Variants in RYR3 observed in about 807,000 individuals in gnomAD.
RYR3 encodes the protein ryanodine receptor 3.
RYR3 carries 207 observed loss-of-function variants against 584.3 expected under a neutral mutation model. The observed-to-expected ratio is 0.35, with a 90% CI of 0.32 to 0.40. The LOEUF is 0.40. RYR3 is among the 10% of genes least tolerant of loss of function. The pLI, the probability that RYR3 is intolerant of heterozygous loss-of-function variation, is 1.00. For synonymous variants in RYR3, 2,416 were observed against 2,248.5 expected, an observed-to-expected ratio of 1.07 and a Z score of -2.11; for missense variants, 5,616 against 6,089.2, an observed-to-expected ratio of 0.92 and a Z score of 2.59.
At chr15:33,483,231 C>A (rs995715190) in intron 2 of RYR3, among the ~76,000 whole-genome samples, 1 of 151,868 alleles carries the variant, frequency 6.6e-6, no homozygotes, top group Non-Finnish European at 1.5e-5. Flanking sequence ...TTGGTAAATT[C>A]ATTAATAAAT....
intron 27 of RYR3, among the ~76,000 whole-genome samples, chr15:33,636,811 C>T (rs2061524915): frequency 6.6e-6 from 1 of 152,200 alleles, no homozygotes; most frequent in Admixed American, 6.5e-5. Context: ...TCCCCTGTGT[C>T]TTGGCATTTT....
intron 20 of RYR3, among the ~76,000 whole-genome samples, chr15:33,625,571 A>C (rs2060942320): frequency 6.6e-6 from 1 of 152,182 alleles, no homozygotes; most frequent in Non-Finnish European, 1.5e-5. Context: ...TCATATGGAC[A>C]GATTAGCAAG....
rs1345757695 is a variant in RYR3, at chr15:33,810,466, C to T, written c.10027-13C>T. The T allele has an allele frequency of 1.2e-6, 2 of 1,613,664 alleles. No individual in the cohort carries two copies. The highest frequency in any genetic ancestry group is 1.7e-6 in the Non-Finnish European group (2 of 1,179,682). On this transcript the variant is annotated splice_polypyrimidine_tract_variant and intron_variant, in intron 70 of 103. Transcript: ENST00000634891. ...CTGAACCCCTCTCTGTTTATTTCAA[C>T]ATCATCTCCTAGTCTGGAGGACAAG...
intron 91 of RYR3, among the ~76,000 whole-genome samples, chr15:33,842,615 T>G (rs1484131741): frequency 6.6e-6 from 1 of 152,050 alleles, no homozygotes; most frequent in African/African-American, 2.4e-5. Flanking sequence ...CAGCTTCCAC[T>G]CCAGTCTGTG....
chr15:33,767,682 G>C (rs2073212791), intron 60 of RYR3, among the ~76,000 whole-genome samples: 1 of 152,124 alleles, frequency 6.6e-6, no homozygotes, highest in African/African-American at 2.4e-5. Flanking sequence ...TGTCACCAGG[G>C]GACCCCGTGG....
At chr15:33,377,824 C>T (rs545472222) in intron 1 of RYR3, among the ~76,000 whole-genome samples, 2 of 151,884 alleles carry the variant, frequency 1.3e-5, no homozygotes, top group African/African-American at 2.4e-5. Context: ...TATAGGGTCT[C>T]GTTATATCAC....
rs563121832 is a variant in RYR3 at position 33,582,052 on chromosome 15, CT to C, written c.1573+410del. 1.8e-3 allele frequency among the ~76,000 whole-genome samples: 273 copies of C among 152,306 alleles called. 1 individual carries two copies. Among genetic ancestry groups the C allele is most frequent in the Middle Eastern group, 3.4e-3 (1 of 294 alleles). On this transcript the variant is annotated intron_variant, in intron 14 of 103. Transcript: ENST00000634891. ...ACTTGTCCACTTGTTAGTCATGATTCTCACTGCTTTGGCCTGTAATTTATTT... is the reference window on the plus strand; with the variant it reads ...ACTTGTCCACTTGTTAGTCATGATTCCACTGCTTTGGCCTGTAATTTATTT...
intron 16 of RYR3, among the ~76,000 whole-genome samples, chr15:33,593,657 A>T (rs1321754418): frequency 1.3e-5 from 2 of 152,240 alleles, no homozygotes; most frequent in Non-Finnish European, 2.9e-5. Context: ...AAATTAGGAA[A>T]AATGGAAAAA....
intron 5 of RYR3, among the ~76,000 whole-genome samples, chr15:33,534,860 C>T (rs1017649140): frequency 1.3e-5 from 2 of 152,180 alleles, no homozygotes; most frequent in African/African-American, 4.8e-5. Context: ...TCTGACCATC[C>T]GTCAAGGGCA....
At chr15:33,822,223 G>C (rs1252574176) in intron 80 of RYR3, among the ~76,000 whole-genome samples, 1 of 152,218 alleles carries the variant, frequency 6.6e-6, no homozygotes, top group Non-Finnish European at 1.5e-5. Flanking sequence ...ATCTGAATTG[G>C]AACAGGCTGC....
At chr15:33,545,097 A>G (rs1401611558) in intron 8 of RYR3, among the ~76,000 whole-genome samples, 1 of 152,182 alleles carries the variant, frequency 6.6e-6, no homozygotes, top group East Asian at 1.9e-4. Context: ...GTCTGTATCT[A>G]AGATGGAATA....
At chr15:33,631,882 T>C (rs117045849) in intron 23 of RYR3, among the ~76,000 whole-genome samples, 3,081 of 152,314 alleles carry the variant, frequency 0.02, 40 homozygotes, top group Non-Finnish European at 0.031. Context: ...CATCATTACT[T>C]AGGAGCCAAG....
chr15:33,467,705 G>A (rs2048598784), intron 1 of RYR3, among the ~76,000 whole-genome samples: 1 of 152,168 alleles, frequency 6.6e-6, no homozygotes, highest in African/African-American at 2.4e-5. Flanking sequence ...GGAATAGCTG[G>A]CGTGTGTGAA....
At chr15:33,544,230 G>T (rs2056059810) in intron 8 of RYR3, among the ~76,000 whole-genome samples, 1 of 151,994 alleles carries the variant, frequency 6.6e-6, no homozygotes, top group African/African-American at 2.4e-5. Context: ...ACCATGACAT[G>T]GAGGATATGA....
intron 48 of RYR3, among the ~76,000 whole-genome samples, chr15:33,735,579 T>C (rs8042036): frequency 0.25 from 38,767 of 152,110 alleles, 5,459 homozygotes; most frequent in African/African-American, 0.38. Context: ...AGGTTTTTTT[T>C]AAAGTTTGGC....
chr15:33,523,994 G>A (rs529066336), intron 3 of RYR3, among the ~76,000 whole-genome samples: 2 of 152,232 alleles, frequency 1.3e-5, no homozygotes, highest in South Asian at 2.1e-4. Context: ...AGGTAAAGTC[G>A]TTTCCTGAGG....
In RYR3 at chr15:33,838,206, G is replaced by T; in HGVS notation, c.12226G>T (p.Gly4076Cys). ...GTTCATTTTTGATGTTGTCAATGAA[G>T]GTGGGGAGCAGGAAAAGATGGAGCT... is the stretch of plus-strand genomic sequence containing the variant. Reference protein sequence around the residue: ...RQFIFDVVNEGGEQEKMELFV... With the variant: ...RQFIFDVVNECGEQEKMELFV... Residue 4076 changes from glycine to cysteine, a missense_variant, in exon 89 of 104, where the codon GGT (glycine) becomes TGT (cysteine). Around this residue, in one of 9 missense-constraint regions of RYR3, gnomAD observed 258 missense variants for 297.3 expected, o/e 0.87. Coordinates refer to ENST00000634891, the MANE Select transcript of RYR3 (RefSeq NM_001036.6). 6.2e-7 allele frequency: 1 copy of T among 1,614,052 alleles called. No homozygotes were observed. The highest frequency in any genetic ancestry group is 8.5e-7 in the Non-Finnish European group (1 of 1,179,904).
At chr15:33,777,895 C>T (rs1210682278) in intron 64 of RYR3, among the ~76,000 whole-genome samples, 1 of 152,104 alleles carries the variant, frequency 6.6e-6, no homozygotes, top group Non-Finnish European at 1.5e-5. Context: ...TCAGGCAGGA[C>T]GCGGTGGCTC....
At chr15:33,569,020 TTG>T (rs148231296) in intron 12 of RYR3, among the ~76,000 whole-genome samples, 3 of 151,870 alleles carry the variant, frequency 2.0e-5, no homozygotes, top group African/African-American at 4.8e-5. Context: ...AAGAGTATTC[TTG>T]TGTGTGTGTG....
Sources: allele counts gnomAD v4.1 joint callset (sites outside exome capture counted in the v4.1 genomes callset), GRCh38; gene constraint gnomAD v4.1.1; regional missense constraint gnomAD v4.1.1; transcripts MANE v1.5; gene names NCBI Gene and HGNC (gene_info 2026-07-23, HGNC 2026-07-21).